The following AADAT variants were observed in gnomAD, a reference collection of about 807,000 sequenced individuals.
AADAT encodes kynurenine/alpha-aminoadipate aminotransferase, mitochondrial.
A neutral mutation model predicts 56.2 loss-of-function variants in AADAT; 25 were observed. The ratio of observed to expected loss-of-function variants is 0.44; its 90% CI spans 0.32 to 0.62. AADAT has a LOEUF of 0.62. Among genes scored for constraint, AADAT ranks in the 20% least tolerant of loss-of-function variants. The probability of loss-of-function intolerance (pLI) is 0.04; values close to 1 mark genes in which losing one functional copy is unlikely to be tolerated. For synonymous variants in AADAT, 173 were observed against 164.7 expected (o/e 1.05, Z -0.39); for missense variants, 387 against 510.5 (o/e 0.76, Z 2.33).
At chr4:170,084,598 C>A (rs975694492) in intron 3 of AADAT, among the ~76,000 whole-genome samples, 1 of 152,140 alleles carries the variant, frequency 6.6e-6, no homozygotes, top group African/African-American at 2.4e-5. Context: ...GTTTCACAAT[C>A]CCCAGTTTGA....
In AADAT at chr4:170,069,198, A is replaced by G. The variant is rs1040254836; in HGVS notation, c.753T>C (p.Val251=). The change falls in exon 7 of 13, where the codon GTT becomes GTC. Residue 251 remains valine (V), a synonymous_variant. Transcript: ENST00000337664. ...FRVPTFLSMD[V]DGRVIRADSF... ...AGTCAGCTCTGATGACACGTCCATC[A>G]ACATCCATGGAAAGAAATGTTGGTA... 6.2e-7 allele frequency: 1 copy of G among 1,613,980 alleles called. No individual in the cohort carries two copies.
chr4:170,072,682 AAAT>A (rs1486998642), intron 5 of AADAT, among the ~76,000 whole-genome samples: 1 of 152,224 alleles, frequency 6.6e-6, no homozygotes, highest in Non-Finnish European at 1.5e-5. Flanking sequence ...ATACTTAAAA[AAAT>A]GTTTATAGTG....
At chr4:170,079,596 A>G (rs1732194511) in intron 3 of AADAT, among the ~76,000 whole-genome samples, 1 of 152,208 alleles carries the variant, frequency 6.6e-6, no homozygotes, top group Non-Finnish European at 1.5e-5. Context: ...ATTGTAGAGA[A>G]GAACTGAGAG....
chr4:170,072,886 G>A (rs1407292356), intron 5 of AADAT, among the ~76,000 whole-genome samples: 1 of 152,080 alleles, frequency 6.6e-6, no homozygotes, highest in Non-Finnish European at 1.5e-5. Flanking sequence ...TTAACATCAG[G>A]CCAAGAATGC....
In AADAT at chr4:170,084,676, TAGA is replaced by T. The variant is rs1483503588; in HGVS notation, c.369+2437_369+2439del. ...ACAGTAGGGCCATTATCAATTGAGA[TAGA>T]AGATTTGACTTTTGTTCCCCAACTG... On this transcript the variant is annotated intron_variant, in intron 3 of 12. Transcript: ENST00000337664. Among the ~76,000 whole-genome samples, 4 of 152,210 alleles carry T rather than the reference TAGA, an allele frequency of 2.6e-5. No individual in the cohort carries two copies. In the East Asian group the frequency reaches 5.8e-4, roughly 22 times the overall value.
At chr4:170,067,197 G>T in intron 9 of AADAT, 130 bp downstream of exon 9, 1 of 655,846 alleles carries the variant, frequency 1.5e-6, no homozygotes, top group Non-Finnish European at 2.6e-6. Context: ...ACTTATAATA[G>T]ACCGTTCCTA....
chr4:170,070,198 C>A (rs1156285855), intron 6 of AADAT, among the ~76,000 whole-genome samples: 1 of 151,968 alleles, frequency 6.6e-6, no homozygotes, highest in Admixed American at 6.6e-5. Flanking sequence ...CGGCCACCAC[C>A]AAGACACAGA....
At chr4:170,064,337 C>T (rs563887165) in intron 11 of AADAT, among the ~76,000 whole-genome samples, 59 of 152,192 alleles carry the variant, frequency 3.9e-4, no homozygotes, top group Middle Eastern at 3.4e-3. Flanking sequence ...TCAGAGCAAC[C>T]CTATGAGAGA....
chr4:170,088,754 G>C (rs991247), intron 1 of AADAT, among the ~76,000 whole-genome samples, 190 bp from the exon 2 acceptor site: 1 of 152,176 alleles, frequency 6.6e-6, no homozygotes, highest in Non-Finnish European at 1.5e-5. Context: ...AGTTTTAACA[G>C]GTGGGGTCTC....
At position 170,089,768 on chromosome 4, in the gene AADAT, G is replaced by T; in HGVS notation, c.-78C>A. The T allele has an allele frequency of 2.8e-6, 4 of 1,446,758 alleles. No homozygotes were observed. The highest frequency in any genetic ancestry group is 9.6e-7 in the Non-Finnish European group (1 of 1,037,086). The allele number at this position is 1,446,758 out of a possible 1,614,324, so 89.6% of individuals were successfully genotyped here. Reference sequence around the variant, plus strand: ...AAACCAAAGAGCCTCGTCAAGTCCTGCCTGCTAACTCCTCACTCTGGCAAC... The same window carrying T: ...AAACCAAAGAGCCTCGTCAAGTCCTTCCTGCTAACTCCTCACTCTGGCAAC... On this transcript the variant is annotated 5_prime_UTR_variant, in exon 1 of 13. Coordinates refer to ENST00000337664, the MANE Select transcript of AADAT (RefSeq NM_016228.4).
intron 3 of AADAT, 145 bp from the exon 4 acceptor site, chr4:170,078,728 T>G: frequency 2.2e-6 from 1 of 457,720 alleles, no homozygotes; most frequent in Non-Finnish European, 3.9e-6. Context: ...CAGTAAACAC[T>G]TTGCGGGTCA....
chr4:170,062,673 A>G (rs1459465848), intron 11 of AADAT, among the ~76,000 whole-genome samples: 1 of 152,174 alleles, frequency 6.6e-6, no homozygotes, highest in African/African-American at 2.4e-5. Context: ...CATGTACCCT[A>G]TTCCCCGGCC....
chr4:170,069,019 A>T, intron 7 of AADAT, 129 bp downstream of exon 7: 1 of 725,722 alleles, frequency 1.4e-6, no homozygotes, highest in Non-Finnish European at 2.2e-6. Context: ...ATTAATCATG[A>T]AACTGGTATT....
chr4:170,075,346 T>G (rs1561018333), intron 4 of AADAT, among the ~76,000 whole-genome samples: 2 of 152,242 alleles, frequency 1.3e-5, no homozygotes, highest in African/African-American at 4.8e-5. Flanking sequence ...TTTGTTTGTT[T>G]TTTTAAGTGA....
rs370431862 is a variant in AADAT at position 170,068,615 on chromosome 4, T to G, written c.876A>C (p.Thr292=). 1.2e-6 allele frequency: 2 copies of G among 1,605,724 alleles called. No homozygotes were observed. Among genetic ancestry groups the G allele is most frequent in the Admixed American group, 1.7e-5 (1 of 57,316 alleles). The part of the protein sequence containing the change: ...ERVILHIQVS[T]LHPSTFNQLM... ...CCTGGTTAAAAGTGCTGGGGTGCAA[T>G]GTTGAAACTTGTATGTGTAAAATAA... Residue 292 remains threonine (T), a synonymous_variant, in exon 8 of 13, where the codon ACA becomes ACC. Transcript: ENST00000337664.
intron 12 of AADAT, among the ~76,000 whole-genome samples, chr4:170,061,178 T>TTTG (rs773734953): frequency 6.6e-6 from 1 of 152,066 alleles, no homozygotes; most frequent in East Asian, 1.9e-4. Flanking sequence ...TTTTCAGGAT[T>TTTG]TTGTTGTTGT....
At chr4:170,073,410 T>C in intron 4 of AADAT, 65 bp from the exon 5 acceptor site, 2 of 1,440,968 alleles carry the variant, frequency 1.4e-6, no homozygotes, top group South Asian at 2.7e-5. Context: ...TTGGTTTTTT[T>C]TTTTTCTTTC....
chr4:170,089,265 C>A, intron 1 of AADAT: 1 of 489,196 alleles, frequency 2.0e-6, no homozygotes, highest in Non-Finnish European at 3.9e-6. Context: ...ATTTACCTGG[C>A]CCTCTCCACT....
intron 8 of AADAT, 61 bp downstream of exon 8, chr4:170,068,530 T>G (rs1731594674): frequency 7.6e-7 from 1 of 1,319,680 alleles, no homozygotes; most frequent in African/African-American, 1.5e-5. Flanking sequence ...TACCATCTAT[T>G]ATTTTTTTAA....
Sources: allele counts gnomAD v4.1 joint callset (sites outside exome capture counted in the v4.1 genomes callset), GRCh38; gene constraint gnomAD v4.1.1; transcripts MANE v1.5; gene names NCBI Gene and HGNC (gene_info 2026-07-23, HGNC 2026-07-21).